UTRN: variants seen among roughly 807,000 people sequenced by gnomAD.
The protein encoded by UTRN is utrophin, also known as dystrophin-related protein 1.
A neutral mutation model predicts 463.9 loss-of-function variants in UTRN; 283 were observed. The ratio of observed to expected loss-of-function variants is 0.61; its 90% CI spans 0.55 to 0.67. The LOEUF is 0.67. Ranked by LOEUF, UTRN falls within the 30% of genes least tolerant of loss-of-function variation. The pLI is 0.00. For synonymous variants in UTRN, 1,442 were observed against 1,431.5 expected, an observed-to-expected ratio of 1.01 and a Z score of -0.17; for missense variants, 3,922 against 4,084.3, an observed-to-expected ratio of 0.96 and a Z score of 1.08.
chr6:144,291,929 A>C, intron 2 of UTRN, 22 bp downstream of exon 2: 1 of 1,596,952 alleles, frequency 6.3e-7, no homozygotes, highest in African/African-American at 1.4e-5. Context: ...AAGCTCAAGA[A>C]AGCTATGGAT....
chr6:144,827,343 T>A lies in UTRN; in HGVS notation c.9495-5T>A, dbSNP rs1227276782. ...GACTTTTGTCTCCCTCTCCCCTCTT[T>A]GCAGTCCTATCACACTCATCAGTAT... On this transcript the variant is annotated splice_region_variant and splice_polypyrimidine_tract_variant and intron_variant, in intron 66 of 74. Transcript: ENST00000367545. The A allele has an allele frequency of 6.2e-7, 1 of 1,613,386 alleles. No individual in the cohort carries two copies. Among genetic ancestry groups the A allele is most frequent in the East Asian group, 2.2e-5 (1 of 44,852 alleles).
chr6:144,789,074 A>T, intron 61 of UTRN, 120 bp from the exon 62 acceptor site: 1 of 760,444 alleles, frequency 1.3e-6, no homozygotes, highest in Admixed American at 2.5e-5. Flanking sequence ...GAAAAGTTGC[A>T]TCTTTAAGAT....
chr6:144,422,035 T>C lies in UTRN; in HGVS notation c.234+65T>C, dbSNP rs572630659. On this transcript the variant is annotated intron_variant, in intron 4 of 74. Transcript: ENST00000367545. ...ATTGCTGATACTTGATGACCCAGTG[T>C]GGGTACCCATTAAAGTGAAAGTATC... is the stretch of plus-strand genomic sequence containing the variant. The C allele has an allele frequency of 1.0e-5, 14 of 1,349,558 alleles. No homozygotes were observed. The African/African-American group carries it at 2.1e-4, about 20-fold the overall frequency. The allele number at this position is 1,349,558 out of a possible 1,614,324, so 83.6% of individuals were successfully genotyped here. A position where few individuals can be genotyped will look rare whatever the true frequency, so the allele number is the denominator to read the frequency against.
In UTRN at chr6:144,684,049, C is replaced by CTT. The variant is rs751258844; in HGVS notation, c.7652+5488_7652+5489dup. Among the ~76,000 whole-genome samples the CTT allele has an allele frequency of 1.1e-3, 155 of 137,264 alleles. 1 individual carries two copies. Among genetic ancestry groups the CTT allele is most frequent in the Non-Finnish European group, 1.5e-3 (94 of 63,164 alleles). The allele number at this position is 137,264 out of a possible 152,430, so 90.1% of individuals were successfully genotyped here. A position where few individuals can be genotyped will look rare whatever the true frequency, so the allele number is the denominator to read the frequency against. ...CCTCATTAATTCAAGTGTCCCTTTA[C>CTT]TTTTTTTTTTTTTTTTTTGAGACAG... On this transcript the variant is annotated intron_variant, in intron 52 of 74. Transcript: ENST00000367545.
intron 2 of UTRN, among the ~76,000 whole-genome samples, chr6:144,386,527 A>C (rs1237697873): frequency 6.6e-6 from 1 of 152,152 alleles, no homozygotes; most frequent in East Asian, 1.9e-4. Context: ...TAAAAATAAG[A>C]ATATGTATTT....
intron 41 of UTRN, 102 bp downstream of exon 41, chr6:144,523,290 A>G: frequency 2.1e-6 from 2 of 945,768 alleles, no homozygotes; most frequent in Non-Finnish European, 2.9e-6. Context: ...AACATGTTTC[A>G]TATCCTTGTA....
At chr6:144,651,727 C>A (rs1345441054) in intron 51 of UTRN, among the ~76,000 whole-genome samples, 1 of 152,166 alleles carries the variant, frequency 6.6e-6, no homozygotes, top group Non-Finnish European at 1.5e-5. Flanking sequence ...TACATATAGT[C>A]TTTTCTATAC....
At chr6:144,674,963 T>C (rs1174531156) in intron 51 of UTRN, among the ~76,000 whole-genome samples, 2 of 152,242 alleles carry the variant, frequency 1.3e-5, no homozygotes, top group Admixed American at 1.3e-4. Context: ...CAGATATTTC[T>C]TGTTGGTTTG....
At chr6:144,530,476 A>T (rs556385697) in intron 41 of UTRN, among the ~76,000 whole-genome samples, 201 of 152,322 alleles carry the variant, frequency 1.3e-3, no homozygotes, top group Middle Eastern at 6.8e-3. Context: ...AGTATATAAC[A>T]TATAGATAGA....
Position 144,403,110 on chromosome 6 carries a change from T to G in UTRN, c.80-13T>G, listed in dbSNP as rs758236619. 1 of 1,612,170 alleles carries G rather than the reference T, an allele frequency of 6.2e-7. No individual in the cohort carries two copies. The highest frequency in any genetic ancestry group is 1.7e-5 in the Admixed American group (1 of 59,984). On this transcript the variant is annotated splice_polypyrimidine_tract_variant and intron_variant, in intron 2 of 74. Coordinates refer to ENST00000367545, the MANE Select transcript of UTRN (RefSeq NM_007124.3). ...TCATACTTTTTCCTTCTCTTTCTTTTTCCATTCCACAGATGAACACAATGA... is the reference window on the plus strand; with the variant it reads ...TCATACTTTTTCCTTCTCTTTCTTTGTCCATTCCACAGATGAACACAATGA...
intron 71 of UTRN, among the ~76,000 whole-genome samples, chr6:144,838,858 G>A (rs1047690234): frequency 4.6e-5 from 7 of 152,156 alleles, no homozygotes; most frequent in African/African-American, 1.7e-4. Context: ...ACCCAGTGCT[G>A]ATGTTTAAAA....
intron 51 of UTRN, among the ~76,000 whole-genome samples, chr6:144,624,153 G>A (rs1268859861): frequency 2.0e-5 from 3 of 152,174 alleles, no homozygotes; most frequent in Non-Finnish European, 4.4e-5. Context: ...TTGCCAAGTA[G>A]TGTCTGTTAA....
At chr6:144,659,429 C>T (rs1585837567) in intron 51 of UTRN, among the ~76,000 whole-genome samples, 1 of 152,188 alleles carries the variant, frequency 6.6e-6, no homozygotes, top group East Asian at 1.9e-4. Context: ...ACAAAGCCGG[C>T]AGAAGGGACT....
intron 41 of UTRN, among the ~76,000 whole-genome samples, chr6:144,530,490 G>T (rs944929657): frequency 6.6e-6 from 1 of 152,156 alleles, no homozygotes; most frequent in East Asian, 1.9e-4. Context: ...AGATAGAGGG[G>T]TATACGGGCA....
chr6:144,839,412 G>A (rs367958442), intron 72 of UTRN, 128 bp downstream of exon 72: 52 of 632,366 alleles, frequency 8.2e-5, no homozygotes, highest in South Asian at 4.6e-4. Flanking sequence ...TTTGTATTTG[G>A]TCTTAAATAG....
At chr6:144,318,877 C>T (rs1387832488) in intron 2 of UTRN, among the ~76,000 whole-genome samples, 1 of 152,136 alleles carries the variant, frequency 6.6e-6, no homozygotes, top group Non-Finnish European at 1.5e-5. Context: ...TCAAGACCAG[C>T]CTTAGCAACA....
chr6:144,762,546 G>A (rs1792826678), intron 58 of UTRN, among the ~76,000 whole-genome samples: 1 of 152,206 alleles, frequency 6.6e-6, no homozygotes, highest in African/African-American at 2.4e-5. Flanking sequence ...ATTTCTACAG[G>A]AGGATCTATT....
At chr6:144,659,971 A>C in intron 51 of UTRN, 1 of 294,548 alleles carries the variant, frequency 3.4e-6, no homozygotes, top group Non-Finnish European at 6.8e-6. Context: ...CACAGCTACC[A>C]GGAAATACAG....
At chr6:144,359,726 T>C (rs1778877599) in intron 2 of UTRN, among the ~76,000 whole-genome samples, 2 of 152,090 alleles carry the variant, frequency 1.3e-5, no homozygotes, top group African/African-American at 2.4e-5. Context: ...CATCGTTTTT[T>C]TTTTTTTTCT....
Sources: allele counts gnomAD v4.1 joint callset (sites outside exome capture counted in the v4.1 genomes callset), GRCh38; gene constraint gnomAD v4.1.1; transcripts MANE v1.5; gene names NCBI Gene and HGNC (gene_info 2026-07-23, HGNC 2026-07-21).